Variants in PCSK5 observed in about 807,000 individuals in gnomAD.
PCSK5 encodes the protein proprotein convertase subtilisin/kexin type 5, also known as prohormone convertase 5.
PCSK5 carries 129 observed loss-of-function variants against 233.2 expected under a neutral mutation model. The ratio of observed to expected loss-of-function variants is 0.55; its 90% CI spans 0.48 to 0.64. The LOEUF (loss-of-function observed/expected upper bound fraction) is 0.64, where lower values mean the gene tolerates loss of function less well. PCSK5 is among the 30% of genes least tolerant of loss of function. The pLI is 0.00. For synonymous variants in PCSK5, 825 were observed against 879.2 expected (o/e 0.94, Z 1.09); for missense variants, 2,076 against 2,430.1 (o/e 0.85, Z 3.06).
chr9:76,324,113 AG>A (rs1310521110), intron 32 of PCSK5, among the ~76,000 whole-genome samples: 1 of 151,728 alleles, frequency 6.6e-6, no homozygotes, highest in South Asian at 2.1e-4. Context: ...TTTAGTAGAG[AG>A]GGGGTTTCAC....
At chr9:76,066,259 CA>C (rs1830283933) in intron 5 of PCSK5, among the ~76,000 whole-genome samples, 1 of 152,016 alleles carries the variant, frequency 6.6e-6, no homozygotes, top group Non-Finnish European at 1.5e-5. Context: ...TCTTTCAGTC[CA>C]GGAGCATGGA....
chr9:76,104,578 G>A (rs575355975), intron 8 of PCSK5, among the ~76,000 whole-genome samples: 5 of 152,214 alleles, frequency 3.3e-5, no homozygotes, highest in Non-Finnish European at 7.4e-5. Flanking sequence ...CTATGCAGAC[G>A]AAGCATATTA....
intron 29 of PCSK5, among the ~76,000 whole-genome samples, chr9:76,309,113 G>A (rs896255856): frequency 3.9e-5 from 6 of 152,092 alleles, no homozygotes; most frequent in Admixed American, 6.5e-5. Context: ...ACCTACTTGG[G>A]AGGCTGAAAT....
At chr9:76,095,109 C>T (rs908860791) in intron 7 of PCSK5, among the ~76,000 whole-genome samples, 2 of 152,196 alleles carry the variant, frequency 1.3e-5, no homozygotes, top group African/African-American at 4.8e-5. Flanking sequence ...AATGAAGAGG[C>T]TCACTTAATT....
intron 7 of PCSK5, among the ~76,000 whole-genome samples, chr9:76,081,533 A>C (rs1480455018): frequency 1.3e-5 from 2 of 152,152 alleles, no homozygotes; most frequent in Non-Finnish European, 2.9e-5. Flanking sequence ...GGTTCTGAGA[A>C]GTCCTGTAGT....
intron 15 of PCSK5, among the ~76,000 whole-genome samples, chr9:76,180,048 A>G (rs113957643): frequency 0.034 from 4,983 of 145,212 alleles, 184 homozygotes; most frequent in African/African-American, 0.085. Flanking sequence ...ATGTATTTAT[A>G]ATGCATAACA....
chr9:75,921,765 G>A (rs182441480), intron 1 of PCSK5, among the ~76,000 whole-genome samples: 58 of 152,140 alleles, frequency 3.8e-4, no homozygotes, highest in East Asian at 3.5e-3. Context: ...AGAGTACATG[G>A]GTTATTTTAT....
chr9:76,339,028 A>C lies in PCSK5; in HGVS notation c.4966+581A>C, dbSNP rs111617597. ...TAATGAGATCTTTTTCATTCTCACT[A>C]CCCTCATCTTCCATTCTCAGTATCT... On this transcript the variant is annotated intron_variant, in intron 35 of 37. Coordinates refer to ENST00000674117, the MANE Select transcript of PCSK5 (RefSeq NM_001372043.1). Among the ~76,000 whole-genome samples, 231 of 149,192 alleles carry C rather than the reference A, an allele frequency of 1.5e-3. 1 individual carries two copies. Among genetic ancestry groups the C allele is most frequent in the African/African-American group, 5.3e-3 (216 of 40,490 alleles).
At chr9:76,023,675 A>G in intron 3 of PCSK5, 63 bp from the exon 4 acceptor site, 4 of 1,452,266 alleles carry the variant, frequency 2.8e-6, no homozygotes, top group Non-Finnish European at 3.7e-6. Context: ...GAAAGAAAGA[A>G]ATAGGTAATT....
At chr9:76,213,985 G>A (rs1825424376) in intron 20 of PCSK5, among the ~76,000 whole-genome samples, 1 of 152,120 alleles carries the variant, frequency 6.6e-6, no homozygotes, top group Admixed American at 6.6e-5. Context: ...CTCACACTTA[G>A]GAACAATCTT....
intron 2 of PCSK5, among the ~76,000 whole-genome samples, chr9:75,955,521 C>T (rs548821379): frequency 2.0e-5 from 3 of 152,116 alleles, no homozygotes; most frequent in East Asian, 1.9e-4. Context: ...TAATTGAGGC[C>T]GGGATACTAC....
At chr9:76,144,788 T>TA (rs1173058563) in intron 10 of PCSK5, among the ~76,000 whole-genome samples, 1 of 152,208 alleles carries the variant, frequency 6.6e-6, no homozygotes, top group East Asian at 1.9e-4. Flanking sequence ...CAGAACCTGT[T>TA]TCTTCATTGG....
intron 1 of PCSK5, among the ~76,000 whole-genome samples, chr9:75,914,606 A>G (rs1325467955): frequency 6.6e-6 from 1 of 152,118 alleles, no homozygotes; most frequent in Non-Finnish European, 1.5e-5. Flanking sequence ...GGGCAAGAAC[A>G]CTGAACTGGT....
chr9:76,159,112 A>G lies in PCSK5; in HGVS notation c.1560A>G (p.Gly520=). 1 of 1,614,148 alleles carries G rather than the reference A, an allele frequency of 6.2e-7. No homozygotes were observed. The highest frequency in any genetic ancestry group is 1.3e-5 in the African/African-American group (1 of 75,042). ...TCACCATCACCCACCCCAGGAGAGG[A>G]GACCTGGCCATCTACCTGACCTCGC... ...VRITITHPRR[G]DLAIYLTSPS... The change falls in exon 12 of 38, where the codon GGA becomes GGG. Residue 520 remains glycine, a synonymous_variant. Transcript: ENST00000674117.
intron 21 of PCSK5, among the ~76,000 whole-genome samples, chr9:76,231,959 G>T (rs192085688): frequency 1.3e-5 from 2 of 150,244 alleles, no homozygotes; most frequent in African/African-American, 4.9e-5. Flanking sequence ...TTAGGTTGTC[G>T]GCTTGAATCC....
chr9:76,098,892 T>G (rs1468979998), intron 8 of PCSK5, among the ~76,000 whole-genome samples: 1 of 152,190 alleles, frequency 6.6e-6, no homozygotes, highest in Non-Finnish European at 1.5e-5. Context: ...GTTGCCGCTG[T>G]GACTCCCATG....
In PCSK5 at chr9:76,159,064, C is replaced by T. The variant is rs2131818031; in HGVS notation, c.1512C>T (p.Tyr504=). 3 of 1,614,152 alleles carry T rather than the reference C, an allele frequency of 1.9e-6. No individual in the cohort carries two copies. Among genetic ancestry groups the T allele is most frequent in the Non-Finnish European group, 2.5e-6 (3 of 1,179,996 alleles). The change falls in exon 12 of 38, where the codon TAC becomes TAT. Residue 504 remains tyrosine, a synonymous_variant. Coordinates refer to ENST00000674117, the MANE Select transcript of PCSK5 (RefSeq NM_001372043.1). ...ATAACCCCAACCGCCATGTCAACTA[C>T]CTGGAGCACGTCGTTGTGCGCATCA... The part of the protein sequence containing the change: ...CSDNPNRHVN[Y]LEHVVVRITI...
intron 20 of PCSK5, among the ~76,000 whole-genome samples, chr9:76,208,546 GA>G (rs1475915591): frequency 1.3e-5 from 2 of 152,132 alleles, no homozygotes; most frequent in Non-Finnish European, 2.9e-5. Flanking sequence ...GACCTTTTAT[GA>G]TTTATAGTTT....
intron 10 of PCSK5, among the ~76,000 whole-genome samples, chr9:76,135,498 A>G (rs566633822): frequency 2.5e-3 from 383 of 152,228 alleles, no homozygotes; most frequent in Middle Eastern, 0.01. Context: ...AGCAGTGTTC[A>G]ATGAACTTTT....
Sources: allele counts gnomAD v4.1 joint callset (sites outside exome capture counted in the v4.1 genomes callset), GRCh38; gene constraint gnomAD v4.1.1; transcripts MANE v1.5; gene names NCBI Gene and HGNC (gene_info 2026-07-23, HGNC 2026-07-21).